The following FHIT variants were observed in gnomAD, a reference collection of about 807,000 sequenced individuals.
The protein encoded by FHIT is fragile histidine triad diadenosine triphosphatase.
A neutral mutation model predicts 17.9 loss-of-function variants in FHIT; 19 were observed. The observed-to-expected ratio is 1.06, with a 90% CI of 0.74 to 1.56. FHIT has a LOEUF of 1.56. FHIT is among the 40% of genes most tolerant of loss of function. FHIT has a pLI of 0.00. For synonymous variants in FHIT, 81 were observed against 69.7 expected (o/e 1.16, Z -0.81); for missense variants, 248 against 189.2 (o/e 1.31, Z -1.82).
At chr3:61,010,021 T>C (rs1186598544) in intron 3 of FHIT, among the ~76,000 whole-genome samples, 2 of 152,288 alleles carry the variant, frequency 1.3e-5, no homozygotes, top group Non-Finnish European at 2.9e-5. Context: ...GCCAGAAGTT[T>C]CATCTACCTA....
intron 4 of FHIT, among the ~76,000 whole-genome samples, chr3:60,780,249 G>A (rs192251633): frequency 4.2e-4 from 64 of 152,148 alleles, no homozygotes; most frequent in Non-Finnish European, 6.8e-4. Flanking sequence ...CTTCTCCTCT[G>A]TTCTCTCTTC....
intron 3 of FHIT, among the ~76,000 whole-genome samples, chr3:60,932,375 T>TGCTCTACAGGTCAGCTCCAAAGCAGAGG (rs1708001258): frequency 6.6e-6 from 1 of 152,164 alleles, no homozygotes; most frequent in African/African-American, 2.4e-5. Context: ...CACCCTTCTC[T>TGCTCTACAGGTCAGCTCCAAAGCAGAGG]GCCCTGCTGG....
chr3:60,490,308 A>C (rs1234612967), intron 5 of FHIT, among the ~76,000 whole-genome samples: 1 of 152,156 alleles, frequency 6.6e-6, no homozygotes, highest in East Asian at 1.9e-4. Flanking sequence ...GCTTCAAAAT[A>C]AACTCTCACC....
At chr3:59,901,390 C>T (rs1006305837) in intron 8 of FHIT, among the ~76,000 whole-genome samples, 73 of 152,182 alleles carry the variant, frequency 4.8e-4, no homozygotes, top group African/African-American at 1.6e-3. Flanking sequence ...ATGAGGATTA[C>T]GAGTTAAACA....
chr3:59,980,043 C>G (rs1003246578), intron 7 of FHIT, among the ~76,000 whole-genome samples: 2 of 152,086 alleles, frequency 1.3e-5, no homozygotes, highest in Non-Finnish European at 2.9e-5. Flanking sequence ...AAATTTGAAT[C>G]TTTTGTCAAT....
At chr3:60,342,752 G>A (rs1417175737) in intron 5 of FHIT, among the ~76,000 whole-genome samples, 1 of 152,186 alleles carries the variant, frequency 6.6e-6, no homozygotes, top group Admixed American at 6.6e-5. Flanking sequence ...ATTGTCTGGA[G>A]ATACTGAAAG....
intron 5 of FHIT, among the ~76,000 whole-genome samples, chr3:60,440,643 C>T (rs777336800): frequency 1.4e-4 from 22 of 152,014 alleles, no homozygotes; most frequent in Non-Finnish European, 3.1e-4. Flanking sequence ...ATTTCCAATC[C>T]AAACTATATA....
chr3:61,137,262 CTTT>C (rs67142172), intron 2 of FHIT, among the ~76,000 whole-genome samples: 11,886 of 105,284 alleles, frequency 0.11, 419 homozygotes, highest in South Asian at 0.17. Context: ...AGGTTTCACT[CTTT>C]TTTTTTTTTT....
intron 5 of FHIT, among the ~76,000 whole-genome samples, chr3:60,183,813 C>T (rs561829073): frequency 1.3e-5 from 2 of 152,084 alleles, no homozygotes; most frequent in South Asian, 2.1e-4. Context: ...CAGTCAACAG[C>T]GTTAACGTTT....
At chr3:60,194,217 T>G (rs1276645002) in intron 5 of FHIT, among the ~76,000 whole-genome samples, 1 of 152,100 alleles carries the variant, frequency 6.6e-6, no homozygotes, top group Non-Finnish European at 1.5e-5. Flanking sequence ...CAAGACAGCA[T>G]GGTACTAGTA....
At chr3:60,507,581 G>T (rs767388697) in intron 5 of FHIT, among the ~76,000 whole-genome samples, 44 of 152,130 alleles carry the variant, frequency 2.9e-4, no homozygotes, top group Non-Finnish European at 5.6e-4. Flanking sequence ...GTAAACTCGT[G>T]TCATGGCGGT....
Position 59,908,506 on chromosome 3 carries a change from C to T in FHIT, c.348+13840G>A, listed in dbSNP as rs1704689634. ...ATGTAGGAGGCCAAAGGTCACCATC[C>T]TGCAAAGAATGATGGCATTCCTTAC... is the stretch of plus-strand genomic sequence containing the variant. On this transcript the variant is annotated intron_variant, in intron 8 of 9. Transcript: ENST00000492590. Among the ~76,000 whole-genome samples the T allele has an allele frequency of 3.9e-5, 6 of 152,164 alleles. No individual in the cohort carries two copies. The South Asian group carries it at 1.2e-3, about 32-fold the overall frequency.
intron 2 of FHIT, among the ~76,000 whole-genome samples, chr3:61,141,025 C>T (rs984651961): frequency 1.3e-5 from 2 of 152,262 alleles, no homozygotes; most frequent in Middle Eastern, 3.4e-3. Context: ...AACATAATTG[C>T]CAAAGTTTCA....
chr3:60,160,811 C>T (rs1479179971), intron 5 of FHIT, among the ~76,000 whole-genome samples: 2 of 142,308 alleles, frequency 1.4e-5, no homozygotes, highest in African/African-American at 5.2e-5. Flanking sequence ...AGAATGAGAG[C>T]ATGTGTGTGA....
intron 2 of FHIT, among the ~76,000 whole-genome samples, chr3:61,175,772 G>A (rs149187859): frequency 3.6e-4 from 55 of 152,238 alleles, no homozygotes; most frequent in African/African-American, 1.2e-3. Flanking sequence ...TGGAATTAGA[G>A]AGCAGCCCTC....
At chr3:61,127,838 C>G (rs1379458423) in intron 2 of FHIT, among the ~76,000 whole-genome samples, 2 of 151,966 alleles carry the variant, frequency 1.3e-5, no homozygotes, top group Non-Finnish European at 2.9e-5. Flanking sequence ...CCACTGCACT[C>G]CAGTCTGGGC....
chr3:59,804,672 G>T (rs1415117194), intron 8 of FHIT, among the ~76,000 whole-genome samples: 1 of 152,188 alleles, frequency 6.6e-6, no homozygotes, highest in African/African-American at 2.4e-5. Context: ...CTTGGCGTAT[G>T]CCCTATGGAG....
At chr3:60,106,919 C>T (rs1289083307) in intron 5 of FHIT, among the ~76,000 whole-genome samples, 1 of 152,048 alleles carries the variant, frequency 6.6e-6, no homozygotes, top group Non-Finnish European at 1.5e-5. Context: ...TGTGAAACTT[C>T]CTTGTGAAAA....
At chr3:60,385,087 C>A (rs1463741242) in intron 5 of FHIT, among the ~76,000 whole-genome samples, 1 of 152,176 alleles carries the variant, frequency 6.6e-6, no homozygotes, top group Admixed American at 6.5e-5. Context: ...AAAATGCATA[C>A]AATATAGCAT....
Sources: gnomAD v4.1 joint callset for allele counts (sites outside exome capture counted in the v4.1 genomes callset) on GRCh38, gnomAD v4.1.1 for gene constraint, MANE v1.5 for transcripts, NCBI Gene and HGNC (gene_info 2026-07-23, HGNC 2026-07-21) for gene names.